SIMC1: variants seen among roughly 807,000 people sequenced by gnomAD.
The protein encoded by SIMC1 is SUMO interacting motifs containing 1.
SIMC1 carries 55 observed loss-of-function variants against 82.3 expected under a neutral mutation model. The observed-to-expected ratio is 0.67, with a 90% confidence interval of 0.54 to 0.84. The LOEUF (loss-of-function observed/expected upper bound fraction) is 0.84, where lower values mean the gene tolerates loss of function less well. Ranked by LOEUF, SIMC1 falls within the 40% of genes least tolerant of loss-of-function variation. SIMC1 has a pLI of 0.00. For synonymous variants in SIMC1, 353 were observed against 426.3 expected (o/e 0.83, Z 2.12); for missense variants, 915 against 1,107.2 (o/e 0.83, Z 2.46).
At chr5:176,263,683 TGGAG>T (rs1333600919) in intron 1 of SIMC1, among the ~76,000 whole-genome samples, 1 of 152,222 alleles carries the variant, frequency 6.6e-6, no homozygotes, top group Non-Finnish European at 1.5e-5. Context: ...ACCTGACACT[TGGAG>T]GGGCCAAATA....
At chr5:176,266,093 A>G (rs1304278501) in intron 1 of SIMC1, among the ~76,000 whole-genome samples, 1 of 152,158 alleles carries the variant, frequency 6.6e-6, no homozygotes, top group Non-Finnish European at 1.5e-5. Flanking sequence ...CCTCACAGTT[A>G]AAGTACTCTC....
chr5:176,310,340 A>G (rs1308206049), intron 4 of SIMC1, among the ~76,000 whole-genome samples: 5 of 152,178 alleles, frequency 3.3e-5, no homozygotes, highest in African/African-American at 1.2e-4. Context: ...GAAAACCTAT[A>G]TTGTACTTGT....
At position 176,345,459 on chromosome 5, in the gene SIMC1, A is replaced by C. The variant is rs917802004; in HGVS notation, c.*14A>C. 6.2e-7 allele frequency: 1 copy of C among 1,603,024 alleles called. No individual in the cohort carries two copies. Among genetic ancestry groups the C allele is most frequent in the East Asian group, 2.2e-5 (1 of 44,726 alleles). ...AGCGGCTCCTGAGGGCCTGCCAAGC[A>C]CTGAATGCCAAGAATACCTCCTGAA... is the stretch of plus-strand genomic sequence containing the variant. On this transcript the variant is annotated 3_prime_UTR_variant, in exon 10 of 10. Transcript: ENST00000429602.
intron 1 of SIMC1, among the ~76,000 whole-genome samples, chr5:176,277,745 G>A (rs1203305891): frequency 2.6e-5 from 4 of 151,976 alleles, no homozygotes; most frequent in Non-Finnish European, 4.4e-5. Flanking sequence ...GTTTGTCAAA[G>A]ATCAGATGGT....
At chr5:176,275,813 G>T (rs2113199934) in intron 1 of SIMC1, among the ~76,000 whole-genome samples, 1 of 151,758 alleles carries the variant, frequency 6.6e-6, no homozygotes, top group Non-Finnish European at 1.5e-5. Flanking sequence ...TGCATCCCAG[G>T]GATGAAGCCC....
intron 1 of SIMC1, among the ~76,000 whole-genome samples, chr5:176,282,704 C>T (rs1211522595): frequency 6.6e-6 from 1 of 152,194 alleles, no homozygotes; most frequent in African/African-American, 2.4e-5. Flanking sequence ...GAGAACAAGA[C>T]TTCAGACAAT....
chr5:176,329,344 G>A (rs560353935), intron 7 of SIMC1, among the ~76,000 whole-genome samples: 155 of 152,100 alleles, frequency 1.0e-3, no homozygotes, highest in African/African-American at 3.5e-3. Context: ...GGTGGCGGGC[G>A]CCTGTAGTCC....
intron 1 of SIMC1, among the ~76,000 whole-genome samples, chr5:176,281,376 A>T (rs1762999570): frequency 6.6e-6 from 1 of 152,166 alleles, no homozygotes; most frequent in Admixed American, 6.5e-5. Context: ...TTTGGTTTGA[A>T]TATCCTCCTG....
intron 9 of SIMC1, among the ~76,000 whole-genome samples, chr5:176,339,013 C>T (rs1766018825): frequency 6.6e-6 from 1 of 152,092 alleles, no homozygotes; most frequent in African/African-American, 2.4e-5. Context: ...CGTCCCTGGG[C>T]AGAGGTAGGC....
intron 4 of SIMC1, among the ~76,000 whole-genome samples, chr5:176,310,961 A>G (rs1355408704): frequency 6.6e-6 from 1 of 152,226 alleles, no homozygotes; most frequent in African/African-American, 2.4e-5. Flanking sequence ...AAGCTAAGTG[A>G]AAGAAACCAC....
chr5:176,326,690 G>A (rs1425115295), intron 7 of SIMC1, among the ~76,000 whole-genome samples: 2 of 152,084 alleles, frequency 1.3e-5, no homozygotes, highest in Non-Finnish European at 2.9e-5. Context: ...TTAGCCTCCT[G>A]AGTGGCTGGG....
chr5:176,336,060 GAGGGATGA>G, intron 7 of SIMC1, among the ~76,000 whole-genome samples: 1 of 113,362 alleles, frequency 8.8e-6, no homozygotes, highest in South Asian at 3.0e-4. Context: ...GGGGTGGGGT[GAGGGATGA>G]AGGGAGAGGG....
intron 4 of SIMC1, among the ~76,000 whole-genome samples, chr5:176,300,189 G>C (rs1763982854): frequency 6.6e-6 from 1 of 152,150 alleles, no homozygotes; most frequent in Non-Finnish European, 1.5e-5. Context: ...AACAACCTGA[G>C]TATATCTAAA....
chr5:176,338,301 A>C (rs1417022970), intron 9 of SIMC1, among the ~76,000 whole-genome samples: 1 of 152,218 alleles, frequency 6.6e-6, no homozygotes, highest in East Asian at 1.9e-4. Context: ...CATACAAGGC[A>C]TGACCCTAGG....
intron 1 of SIMC1, among the ~76,000 whole-genome samples, chr5:176,270,972 A>G (rs912803089): frequency 6.6e-5 from 10 of 152,148 alleles, no homozygotes; most frequent in Non-Finnish European, 1.5e-4. Context: ...TGGGGTCCAC[A>G]CGATCTAGTG....
chr5:176,251,512 A>T (rs1419919540), intron 1 of SIMC1, among the ~76,000 whole-genome samples: 2 of 151,894 alleles, frequency 1.3e-5, no homozygotes, highest in Non-Finnish European at 2.9e-5. Context: ...TCTGTAAAGG[A>T]TTTTATTTCT....
intron 2 of SIMC1, among the ~76,000 whole-genome samples, chr5:176,294,372 C>G (rs1581266400): frequency 6.6e-6 from 1 of 152,106 alleles, no homozygotes. Flanking sequence ...CTCCACCTTC[C>G]GGGTTTAAGC....
intron 5 of SIMC1, 90 bp from the exon 6 acceptor site, chr5:176,322,183 C>A (rs1765192390): frequency 3.5e-6 from 5 of 1,431,684 alleles, no homozygotes; most frequent in Non-Finnish European, 3.7e-6. Flanking sequence ...ACCATAAATA[C>A]AACAGACATG....
chr5:176,266,445 A>G (rs549636840), intron 1 of SIMC1, among the ~76,000 whole-genome samples: 1 of 152,268 alleles, frequency 6.6e-6, no homozygotes, highest in South Asian at 2.1e-4. Context: ...TCAAGAGGCC[A>G]GGTTAAAACA....
Sources: allele counts gnomAD v4.1 joint callset (sites outside exome capture counted in the v4.1 genomes callset), GRCh38; gene constraint gnomAD v4.1.1; transcripts MANE v1.5; gene names NCBI Gene and HGNC (gene_info 2026-07-23, HGNC 2026-07-21).